The following PMVK variants were observed in gnomAD, a reference collection of about 807,000 sequenced individuals.
The protein encoded by PMVK is phosphomevalonate kinase.
Under a neutral mutation model 19.0 loss-of-function variants are expected in PMVK, and 10 were observed. That is an observed-to-expected ratio of 0.53 (90% CI 0.32 to 0.89). PMVK has a LOEUF of 0.89. Among genes scored for constraint, PMVK ranks in the 40% least tolerant of loss-of-function variants. The probability of loss-of-function intolerance (pLI) is 0.03; values close to 1 mark genes in which losing one functional copy is unlikely to be tolerated. For synonymous variants in PMVK, 108 were observed against 101.6 expected, an observed-to-expected ratio of 1.06 and a Z score of -0.38; for missense variants, 222 against 251.1, an observed-to-expected ratio of 0.88 and a Z score of 0.78.
chr1:154,934,127 G>A (rs1654428125), intron 1 of PMVK, among the ~76,000 whole-genome samples: 1 of 152,130 alleles, frequency 6.6e-6, no homozygotes, highest in African/African-American at 2.4e-5. Flanking sequence ...AGCCTCCCAA[G>A]TAACTGGGAC....
At position 154,933,387 on chromosome 1, in the gene PMVK, C is replaced by T. The variant is rs13374434; in HGVS notation, c.96-972G>A. On this transcript the variant is annotated intron_variant, in intron 1 of 4. Transcript: ENST00000368467. Reference sequence around the variant, plus strand: ...GGTGGAAGTTGCAGTGAGCCGAGATCGCCCCATTGCACTCCAGCCTGGGCA... The same window carrying T: ...GGTGGAAGTTGCAGTGAGCCGAGATTGCCCCATTGCACTCCAGCCTGGGCA... Among the ~76,000 whole-genome samples, 686 of 150,228 alleles carry T rather than the reference C, an allele frequency of 4.6e-3. 7 individuals are homozygous for T. Among genetic ancestry groups the T allele is most frequent in the African/African-American group, 0.016 (647 of 41,082 alleles).
chr1:154,942,062 G>A, the PMVK span, among the ~76,000 whole-genome samples: 1 of 152,182 alleles, frequency 6.6e-6, no homozygotes, highest in Non-Finnish European at 1.5e-5. Context: ...AGAGTAGAAG[G>A]CCCAAGAAGG....
intron 3 of PMVK, among the ~76,000 whole-genome samples, chr1:154,927,536 A>G (rs1272362906): frequency 3.3e-5 from 5 of 151,140 alleles, no homozygotes. Flanking sequence ...CACAGCAGCT[A>G]TGGCCAGGCT....
At chr1:154,939,116 C>T (rs574641808), upstream of PMVK, among the ~76,000 whole-genome samples, 3 of 152,276 alleles carry the variant, frequency 2.0e-5, no homozygotes, top group South Asian at 6.2e-4. Context: ...TCATGGCCAG[C>T]CCATCCAACA....
At chr1:154,932,222 C>A in intron 2 of PMVK, 130 bp downstream of exon 2, 1 of 722,980 alleles carries the variant, frequency 1.4e-6, no homozygotes, top group South Asian at 1.5e-5. Context: ...TCACAGAAAA[C>A]CAAGAGCTGG....
upstream of PMVK, chr1:154,936,751 C>T: frequency 7.2e-7 from 1 of 1,380,112 alleles, no homozygotes; most frequent in Non-Finnish European, 1.0e-6. Context: ...CGGGACACCG[C>T]GCGGAATGGA....
At chr1:154,926,128 G>A (rs1303982893) in intron 4 of PMVK, among the ~76,000 whole-genome samples, 1 of 152,176 alleles carries the variant, frequency 6.6e-6, no homozygotes, top group Non-Finnish European at 1.5e-5. Context: ...ATGGGGGTGG[G>A]TCCCAGCCAG....
chr1:154,933,495 T>G (rs1190392844), intron 1 of PMVK, among the ~76,000 whole-genome samples: 13 of 143,948 alleles, frequency 9.0e-5, no homozygotes, highest in Admixed American at 8.8e-4. Context: ...CCAACCTTTT[T>G]TTTTTTTTTT....
At chr1:154,932,509 C>A in intron 1 of PMVK, 94 bp from the exon 2 acceptor site, 1 of 731,740 alleles carries the variant, frequency 1.4e-6, no homozygotes, top group South Asian at 1.9e-5. Flanking sequence ...GTTGAAGTCC[C>A]ATTTCTACTA....
intron 2 of PMVK, among the ~76,000 whole-genome samples, chr1:154,930,197 C>T (rs1007097587): frequency 7.9e-5 from 12 of 152,220 alleles, no homozygotes; most frequent in Non-Finnish European, 1.3e-4. Flanking sequence ...CAGTGGCTCA[C>T]GCCTGTAATC....
chr1:154,942,292 C>G, the PMVK span, among the ~76,000 whole-genome samples: 2 of 152,246 alleles, frequency 1.3e-5, no homozygotes, highest in Non-Finnish European at 2.9e-5. Context: ...CTCCCCGAAG[C>G]CCTGCCCAGG....
intron 1 of PMVK, among the ~76,000 whole-genome samples, chr1:154,933,191 T>C (rs1237372791): frequency 6.6e-6 from 1 of 152,032 alleles, no homozygotes; most frequent in African/African-American, 2.4e-5. Flanking sequence ...TCCCAGTACT[T>C]TGGAAGGCTG....
chr1:154,935,555 T>C (rs1169667141), intron 1 of PMVK, among the ~76,000 whole-genome samples: 2 of 152,204 alleles, frequency 1.3e-5, no homozygotes, highest in Non-Finnish European at 1.5e-5. Context: ...TGAATTTGTT[T>C]GGGTTTTTTT....
At chr1:154,926,538 G>A in intron 3 of PMVK, 55 bp from the exon 4 acceptor site, 1 of 1,566,672 alleles carries the variant, frequency 6.4e-7, no homozygotes, top group Non-Finnish European at 8.7e-7. Flanking sequence ...GAAGTGAGGG[G>A]AGGTGGGAGG....
At chr1:154,934,188 AG>A (rs1197368153) in intron 1 of PMVK, among the ~76,000 whole-genome samples, 1 of 151,952 alleles carries the variant, frequency 6.6e-6, no homozygotes, top group African/African-American at 2.4e-5. Flanking sequence ...TTAGTAGAGA[AG>A]GGTTTTACCA....
upstream of PMVK, among the ~76,000 whole-genome samples, chr1:154,941,231 G>A (rs901704468): frequency 6.6e-6 from 1 of 152,234 alleles, no homozygotes; most frequent in African/African-American, 2.4e-5. Flanking sequence ...GAACAGGTGA[G>A]CGGGGAAGGG....
upstream of PMVK, among the ~76,000 whole-genome samples, chr1:154,940,860 C>T (rs1459082936): frequency 6.6e-6 from 1 of 152,202 alleles, no homozygotes; most frequent in East Asian, 1.9e-4. Context: ...CCTCCCATAT[C>T]AGTAGCTCCC....
upstream of PMVK, among the ~76,000 whole-genome samples, chr1:154,937,175 C>G (rs1654536347): frequency 6.6e-6 from 1 of 152,208 alleles, no homozygotes; most frequent in South Asian, 2.1e-4. Flanking sequence ...GGAAACTGCC[C>G]TTTTGCCTGT....
Position 154,929,051 on chromosome 1 carries a change from A to T in PMVK, c.285T>A (p.Ile95=). ...QADPGFFCRK[I]VEGISQPIWL... Reference sequence around the variant, plus strand: ...AGATGGGCTGGGAGATGCCCTCCACAATCTTCCTGCAAAAGAAGCCTGGGT... The same window carrying T: ...AGATGGGCTGGGAGATGCCCTCCACTATCTTCCTGCAAAAGAAGCCTGGGT... The change falls in exon 3 of 5, where the codon ATT becomes ATA. Residue 95 remains isoleucine, a synonymous_variant. Transcript: ENST00000368467. 1.2e-6 allele frequency: 2 copies of T among 1,614,154 alleles called. No individual in the cohort carries two copies.
Sources: allele counts gnomAD v4.1 joint callset (sites outside exome capture counted in the v4.1 genomes callset), GRCh38; gene constraint gnomAD v4.1.1; transcripts MANE v1.5; gene names NCBI Gene and HGNC (gene_info 2026-07-23, HGNC 2026-07-21).